The following DPYD variants were observed in gnomAD, a reference collection of about 807,000 sequenced individuals.
DPYD encodes the protein dihydropyrimidine dehydrogenase.
A neutral mutation model predicts 116.2 loss-of-function variants in DPYD; 109 were observed. The ratio of observed to expected loss-of-function variants is 0.94; its 90% CI spans 0.80 to 1.10. The LOEUF is 1.10. DPYD is among the 50% of genes least tolerant of loss of function. DPYD has a pLI of 0.00. For missense variants in DPYD, 1,302 were observed against 1,254.5 expected (o/e 1.04, Z -0.57); for synonymous variants, 440 against 432.0 (o/e 1.02, Z -0.23).
chr1:97,848,341 C>A (rs1156854059), intron 2 of DPYD, among the ~76,000 whole-genome samples: 1 of 152,202 alleles, frequency 6.6e-6, no homozygotes, highest in Non-Finnish European at 1.5e-5. Flanking sequence ...TCGTGATCCA[C>A]CCACCTCGGC....
In DPYD at chr1:97,889,941, G is replaced by C. The variant is rs141892455; in HGVS notation, c.40-6567C>G. ...GGAATAGAATTAGATATCAATAACAGAAAGAAATTTGGAAAATTCAAAAAC... is the reference window on the plus strand; with the variant it reads ...GGAATAGAATTAGATATCAATAACACAAAGAAATTTGGAAAATTCAAAAAC... On this transcript the variant is annotated intron_variant, in intron 1 of 22. Coordinates refer to ENST00000370192, the MANE Select transcript of DPYD (RefSeq NM_000110.4). Among the ~76,000 whole-genome samples, 64 of 152,008 alleles carry C rather than the reference G, an allele frequency of 4.2e-4. No individual in the cohort carries two copies. In the East Asian group the frequency reaches 7.8e-3, roughly 18 times the overall value.
intron 20 of DPYD, among the ~76,000 whole-genome samples, chr1:97,165,253 T>C (rs996756586): frequency 7.9e-5 from 12 of 152,012 alleles, no homozygotes; most frequent in Non-Finnish European, 1.5e-4. Flanking sequence ...TAAAATGGAA[T>C]ATAAGCCCAG....
intron 18 of DPYD, among the ~76,000 whole-genome samples, chr1:97,271,546 G>A (rs1188649840): frequency 1.3e-5 from 2 of 152,162 alleles, no homozygotes; most frequent in Non-Finnish European, 2.9e-5. Context: ...AGATCAAAGA[G>A]AGATTGCTAT....
chr1:97,553,053 G>A (rs544060049), intron 11 of DPYD, among the ~76,000 whole-genome samples: 5 of 151,746 alleles, frequency 3.3e-5, no homozygotes, highest in African/African-American at 1.2e-4. Flanking sequence ...TGCTACAGTG[G>A]GTCAGAAATA....
intron 14 of DPYD, among the ~76,000 whole-genome samples, chr1:97,410,391 G>A (rs2101664478): frequency 6.6e-6 from 1 of 152,124 alleles, no homozygotes; most frequent in Non-Finnish European, 1.5e-5. Context: ...TTATTTCATA[G>A]GACTGTTCTT....
chr1:97,337,815 G>A (rs1346212745), intron 16 of DPYD, among the ~76,000 whole-genome samples: 1 of 152,146 alleles, frequency 6.6e-6, no homozygotes, highest in African/African-American at 2.4e-5. Context: ...ATTTAACTAT[G>A]TTAACATTTA....
intron 18 of DPYD, among the ~76,000 whole-genome samples, chr1:97,258,002 G>T (rs2100837573): frequency 6.6e-6 from 1 of 152,206 alleles, no homozygotes; most frequent in African/African-American, 2.4e-5. Flanking sequence ...AGGATAACTA[G>T]CATTTTGAAT....
intron 3 of DPYD, among the ~76,000 whole-genome samples, chr1:97,821,655 G>T (rs1239416294): frequency 6.6e-6 from 1 of 151,990 alleles, no homozygotes; most frequent in Non-Finnish European, 1.5e-5. Context: ...CCACACCCAT[G>T]GCACTACAAT....
rs756607633 is a variant in DPYD, at chr1:97,577,870, G to A, written c.1129-3900C>T. Among the ~76,000 whole-genome samples, 22 of 150,454 alleles carry A rather than the reference G, an allele frequency of 1.5e-4. 1 individual carries two copies. The highest frequency in any genetic ancestry group is 7.3e-4 in the Admixed American group (11 of 15,056). ...ATTAATTAATTTGAGACGGAGTTTCGCTCTGTTGCCAGTTGCCCAGGCTGG... is the reference window on the plus strand; with the variant it reads ...ATTAATTAATTTGAGACGGAGTTTCACTCTGTTGCCAGTTGCCCAGGCTGG... On this transcript the variant is annotated intron_variant, in intron 10 of 22. Transcript: ENST00000370192.
intron 5 of DPYD, among the ~76,000 whole-genome samples, chr1:97,706,366 C>A (rs1661955734): frequency 6.6e-6 from 1 of 151,900 alleles, no homozygotes; most frequent in Admixed American, 6.6e-5. Context: ...TTATCAACAT[C>A]CTCTCCATAG....
intron 13 of DPYD, among the ~76,000 whole-genome samples, chr1:97,510,360 T>TA (rs1647690880): frequency 6.6e-6 from 1 of 151,998 alleles, no homozygotes; most frequent in East Asian, 1.9e-4. Context: ...AAGGAGATTT[T>TA]ATCTACTGTG....
intron 2 of DPYD, among the ~76,000 whole-genome samples, chr1:97,863,550 A>G (rs775737593): frequency 7.2e-5 from 11 of 151,850 alleles, no homozygotes; most frequent in Non-Finnish European, 1.2e-4. Context: ...ATATAATTAC[A>G]TATGTATATT....
intron 14 of DPYD, among the ~76,000 whole-genome samples, chr1:97,410,047 T>A (rs927618000): frequency 1.3e-5 from 2 of 150,650 alleles, no homozygotes; most frequent in African/African-American, 4.9e-5. Context: ...GCCTGGGTGG[T>A]AGAGCAACAA....
At chr1:97,468,038 G>A (rs958576673) in intron 13 of DPYD, among the ~76,000 whole-genome samples, 2 of 152,084 alleles carry the variant, frequency 1.3e-5, no homozygotes, top group African/African-American at 4.8e-5. Flanking sequence ...AGAGTTTACA[G>A]GCACTATAAT....
At chr1:97,582,016 A>G (rs1483990681) in intron 10 of DPYD, among the ~76,000 whole-genome samples, 1 of 152,230 alleles carries the variant, frequency 6.6e-6, no homozygotes, top group East Asian at 1.9e-4. Flanking sequence ...TAAGTGGAAG[A>G]GTCCTTACCA....
At chr1:97,235,966 T>A (rs562995360) in intron 18 of DPYD, among the ~76,000 whole-genome samples, 20 of 152,308 alleles carry the variant, frequency 1.3e-4, no homozygotes, top group African/African-American at 4.8e-4. Context: ...ACATTACCAG[T>A]ATATTATTCC....
chr1:97,238,853 A>T (rs1662128755), intron 18 of DPYD, among the ~76,000 whole-genome samples: 1 of 152,182 alleles, frequency 6.6e-6, no homozygotes, highest in Admixed American at 6.5e-5. Context: ...TTAAGCCCTC[A>T]TCTACATGGG....
chr1:97,267,992 A>G (rs1023466952), intron 18 of DPYD, among the ~76,000 whole-genome samples: 8 of 152,164 alleles, frequency 5.3e-5, no homozygotes, highest in African/African-American at 1.9e-4. Flanking sequence ...CAAGTTATCT[A>G]CTTCCAAAAA....
intron 12 of DPYD, among the ~76,000 whole-genome samples, chr1:97,531,437 T>C (rs968647250): frequency 1.3e-5 from 2 of 152,198 alleles, no homozygotes; most frequent in African/African-American, 4.8e-5. Context: ...TGTTGTATAG[T>C]TGACTGTACA....
Sources: allele counts gnomAD v4.1 joint callset (sites outside exome capture counted in the v4.1 genomes callset), GRCh38; gene constraint gnomAD v4.1.1; transcripts MANE v1.5; gene names NCBI Gene and HGNC (gene_info 2026-07-23, HGNC 2026-07-21).